PAPOLG: variants seen among roughly 807,000 people sequenced by gnomAD.
PAPOLG encodes the protein PAP-gamma.
Under a neutral mutation model 99.0 loss-of-function variants are expected in PAPOLG, and 40 were observed. That is an observed-to-expected ratio of 0.40 (90% CI 0.31 to 0.53). The LOEUF is 0.53. Ranked by LOEUF, PAPOLG falls within the 20% of genes least tolerant of loss-of-function variation. The pLI, the probability that PAPOLG is intolerant of heterozygous loss-of-function variation, is 0.41. For synonymous variants in PAPOLG, 310 were observed against 299.3 expected (o/e 1.04, Z -0.37); for missense variants, 675 against 884.1 (o/e 0.76, Z 3.00).
chr2:60,766,930 T>G (rs1386268627), intron 3 of PAPOLG, among the ~76,000 whole-genome samples: 1 of 152,180 alleles, frequency 6.6e-6, no homozygotes, highest in African/African-American at 2.4e-5. Flanking sequence ...GAAGAAGACA[T>G]TGGCAACTTT....
chr2:60,771,241 T>C (rs1670842979), intron 6 of PAPOLG, among the ~76,000 whole-genome samples: 3 of 152,220 alleles, frequency 2.0e-5, no homozygotes, highest in Non-Finnish European at 4.4e-5. Flanking sequence ...TTGGATCTTC[T>C]ATCTTTATCT....
intron 8 of PAPOLG, among the ~76,000 whole-genome samples, chr2:60,778,236 T>G (rs945088809): frequency 6.6e-6 from 1 of 152,206 alleles, no homozygotes; most frequent in Non-Finnish European, 1.5e-5. Context: ...AGCCTCAACC[T>G]TCTGGGCCCA....
intron 11 of PAPOLG, 180 bp from the exon 12 acceptor site, chr2:60,782,506 G>A (rs532463742): frequency 1.0e-5 from 8 of 802,234 alleles, no homozygotes; most frequent in Admixed American, 1.3e-4. Flanking sequence ...GCAGTGAGCC[G>A]AGATAGATCC....
chr2:60,770,237 T>C (rs1670808938), intron 5 of PAPOLG, among the ~76,000 whole-genome samples: 1 of 152,242 alleles, frequency 6.6e-6, no homozygotes, highest in African/African-American at 2.4e-5. Context: ...AATACTTACC[T>C]GGAATGTAAG....
intron 8 of PAPOLG, among the ~76,000 whole-genome samples, chr2:60,776,146 T>G (rs1021510981): frequency 2.6e-5 from 4 of 152,218 alleles, no homozygotes; most frequent in Non-Finnish European, 5.9e-5. Flanking sequence ...TTAGCAGACA[T>G]GAAAGTAACT....
chr2:60,765,390 C>CTT (rs397743711), intron 3 of PAPOLG, among the ~76,000 whole-genome samples: 3,211 of 132,408 alleles, frequency 0.024, 132 homozygotes, highest in African/African-American at 0.081. Flanking sequence ...CTATAATTCT[C>CTT]TTTTTTTTTT....
At chr2:60,793,547 G>A in intron 17 of PAPOLG, 80 bp from the exon 18 acceptor site, 1 of 1,517,488 alleles carries the variant, frequency 6.6e-7, no homozygotes, top group Non-Finnish European at 9.0e-7. Context: ...TTGGGCAGTA[G>A]AATGAGGCCT....
intron 11 of PAPOLG, 123 bp downstream of exon 11, chr2:60,782,128 A>G: frequency 9.5e-7 from 1 of 1,050,616 alleles, no homozygotes. Flanking sequence ...AAATTCTTTC[A>G]AGTATGGTTA....
Position 60,767,620 on chromosome 2 carries a change from A to G in PAPOLG, c.247-850A>G, listed in dbSNP as rs114574204. On this transcript the variant is annotated intron_variant, in intron 3 of 21. Coordinates refer to ENST00000238714, the MANE Select transcript of PAPOLG (RefSeq NM_022894.4). ...CAAAAAGTAGCATTTTAATTACATT[A>G]TAATCCAAGAAATGTTAATTAAGCT... is the stretch of plus-strand genomic sequence containing the variant. Among the ~76,000 whole-genome samples, 542 of 152,292 alleles carry G rather than the reference A, an allele frequency of 3.6e-3. 2 individuals are homozygous for G. The highest frequency in any genetic ancestry group is 9.9e-3 in the South Asian group (48 of 4,826).
intron 3 of PAPOLG, among the ~76,000 whole-genome samples, 188 bp from the exon 4 acceptor site, chr2:60,768,282 A>G (rs903065473): frequency 2.6e-5 from 4 of 152,108 alleles, no homozygotes; most frequent in African/African-American, 9.7e-5. Flanking sequence ...TTGTATTCCT[A>G]GTAGAGAAGA....
chr2:60,782,189 A>C (rs1244617091), intron 11 of PAPOLG, among the ~76,000 whole-genome samples, 184 bp downstream of exon 11: 2 of 152,208 alleles, frequency 1.3e-5, no homozygotes, highest in South Asian at 2.1e-4. Flanking sequence ...TATTAAGGCC[A>C]AAAATGGAGC....
At chr2:60,781,830 G>C in intron 10 of PAPOLG, 55 bp from the exon 11 acceptor site, 2 of 1,605,348 alleles carry the variant, frequency 1.2e-6, no homozygotes, top group Non-Finnish European at 1.7e-6. Context: ...GGGAAATGAA[G>C]TGAGAACAAC....
intron 3 of PAPOLG, among the ~76,000 whole-genome samples, chr2:60,765,170 G>C (rs926649871): frequency 6.6e-6 from 1 of 150,756 alleles, no homozygotes; most frequent in Non-Finnish European, 1.5e-5. Context: ...CTAGGCTCAA[G>C]CAATCCTCTC....
Position 60,797,064 on chromosome 2 carries a change from A to T in PAPOLG, c.2115A>T (p.Arg705Ser). The change falls in exon 22 of 22, where the codon AGA becomes AGT. Residue 705 changes from arginine to serine, a missense_variant and splice_region_variant. This residue lies in a region of PAPOLG where 413 missense variants were observed against 460.5 expected (regional missense o/e 0.90). Transcript: ENST00000238714. ...IPTIDTSRKK[R>S]LPSKELPDSS... ...TGTTTCCTCTTTCTTTCTAATAGAG[A>T]CTACCCAGTAAAGAACTACCAGATT... 1.9e-6 allele frequency: 3 copies of T among 1,612,042 alleles called. No individual in the cohort carries two copies. The highest frequency in any genetic ancestry group is 2.5e-6 in the Non-Finnish European group (3 of 1,178,156).
intron 15 of PAPOLG, 144 bp from the exon 16 acceptor site, chr2:60,791,617 T>A: frequency 1.1e-6 from 1 of 887,148 alleles, no homozygotes; most frequent in Non-Finnish European, 1.7e-6. Flanking sequence ...ATTAAAAATA[T>A]TTGTTTTGTG....
rs548230870 is a variant in PAPOLG, at chr2:60,769,405, CAT to C, written c.438+516_438+517del. On this transcript the variant is annotated intron_variant, in intron 5 of 21. Coordinates refer to ENST00000238714, the MANE Select transcript of PAPOLG (RefSeq NM_022894.4). ...CTTACAGATACAATAGTAAACAAGA[CAT>C]TGTTTATTGAGGAGGGGGTTATGTG... Among the ~76,000 whole-genome samples, 5 of 152,090 alleles carry C rather than the reference CAT, an allele frequency of 3.3e-5. No homozygotes were observed. The South Asian group carries it at 1.0e-3, about 32-fold the overall frequency.
intron 3 of PAPOLG, among the ~76,000 whole-genome samples, chr2:60,767,897 T>C (rs1184441206): frequency 1.3e-5 from 2 of 152,188 alleles, no homozygotes; most frequent in African/African-American, 4.8e-5. Context: ...GTCAAGTGAT[T>C]AAAAAGAAAA....
chr2:60,774,180 C>T (rs773709241), intron 7 of PAPOLG, among the ~76,000 whole-genome samples: 9 of 151,980 alleles, frequency 5.9e-5, no homozygotes, highest in Non-Finnish European at 2.9e-5. Flanking sequence ...CTGCAAACTC[C>T]GCCTCCCGGG....
intron 7 of PAPOLG, among the ~76,000 whole-genome samples, chr2:60,774,163 C>T (rs1199060709): frequency 3.3e-5 from 5 of 151,814 alleles, no homozygotes; most frequent in Admixed American, 2.0e-4. Flanking sequence ...GGCGCGATCT[C>T]GGCTCACTGC....
Sources: gnomAD v4.1 joint callset for allele counts (sites outside exome capture counted in the v4.1 genomes callset) on GRCh38, gnomAD v4.1.1 for gene constraint, gnomAD v4.1.1 regional missense constraint, MANE v1.5 for transcripts, NCBI Gene and HGNC (gene_info 2026-07-23, HGNC 2026-07-21) for gene names.